Variants in CAMTA1 observed in about 807,000 individuals in gnomAD.
CAMTA1 encodes the protein calmodulin binding transcription activator 1, also known as calmodulin-binding transcription activator 1.
In CAMTA1, 27 loss-of-function variants were observed where a neutral mutation model predicts 170.9. The ratio of observed to expected loss-of-function variants is 0.16; its 90% confidence interval spans 0.12 to 0.22. The LOEUF is 0.22. Among genes scored for constraint, CAMTA1 ranks in the 10% least tolerant of loss-of-function variants. The pLI is 1.00. For synonymous variants in CAMTA1, 833 were observed against 891.5 expected (o/e 0.93, Z 1.17); for missense variants, 1,619 against 2,217.2 (o/e 0.73, Z 5.42).
chr1:7,562,201 C>G lies in CAMTA1; in HGVS notation c.511-78199C>G, dbSNP rs72865481. On this transcript the variant is annotated intron_variant, in intron 6 of 22. Transcript: ENST00000303635. This position sits in a 1 kb window ranked among gnomAD's most constrained non-coding sequence, Gnocchi z 4.8. ...GCCCGGCACCCCAGCTCCGGCCCCT[C>G]CCAAATCTGCTATTGTAAGCACTAC... 0.047 allele frequency among the ~76,000 whole-genome samples: 7,092 copies of G among 152,244 alleles called. 570 individuals are homozygous for G. Among genetic ancestry groups the G allele is most frequent in the African/African-American group, 0.16 (6,747 of 41,524 alleles).
At chr1:7,239,534 C>G (rs1160963988) in intron 4 of CAMTA1, among the ~76,000 whole-genome samples, 3 of 151,942 alleles carry the variant, frequency 2.0e-5, no homozygotes, top group African/African-American at 7.3e-5. Context: ...ATTTTGCTGA[C>G]TGTATCCCCA....
intron 6 of CAMTA1, among the ~76,000 whole-genome samples, chr1:7,604,544 G>C (rs2095471202): frequency 6.6e-6 from 1 of 152,104 alleles, no homozygotes; most frequent in African/African-American, 2.4e-5. Context: ...GTCCTTTAAG[G>C]CTTTCTCTGT....
At chr1:6,943,115 A>G (rs1038296249) in intron 3 of CAMTA1, among the ~76,000 whole-genome samples, 3 of 150,994 alleles carry the variant, frequency 2.0e-5, no homozygotes, top group Non-Finnish European at 3.0e-5. Flanking sequence ...ACTGGCCCTC[A>G]TTCCTTATCT....
intron 9 of CAMTA1, among the ~76,000 whole-genome samples, chr1:7,668,388 A>AACACAC (rs779206499): frequency 0.036 from 3,626 of 101,184 alleles, 97 homozygotes; most frequent in Admixed American, 0.086. Context: ...GCTGGTCACC[A>AACACAC]ACACACACAC....
At chr1:6,917,659 G>A (rs1414341967) in intron 3 of CAMTA1, among the ~76,000 whole-genome samples, 2 of 152,118 alleles carry the variant, frequency 1.3e-5, no homozygotes, top group Admixed American at 6.5e-5. Flanking sequence ...GTTGGAGGCC[G>A]CCCTGAGACA....
intron 6 of CAMTA1, among the ~76,000 whole-genome samples, chr1:7,544,350 CAT>C (rs1456519527): frequency 6.6e-6 from 1 of 152,226 alleles, no homozygotes; most frequent in Non-Finnish European, 1.5e-5. Flanking sequence ...CCTCCCACAA[CAT>C]GTGGGAATTA....
At chr1:6,930,081 G>A (rs1476651582) in intron 3 of CAMTA1, among the ~76,000 whole-genome samples, 1 of 152,200 alleles carries the variant, frequency 6.6e-6, no homozygotes, top group Admixed American at 6.5e-5. Context: ...GCTGGACACT[G>A]TGTTTTAGGG....
chr1:7,732,647 G>T lies in CAMTA1; in HGVS notation c.3066+48G>T. ...AGCTCCCATTTCGCTTCATGTTTAT[G>T]GATTGGCGAGGCAGTGGATGGATCA... On this transcript the variant is annotated intron_variant, in intron 12 of 22. Transcript: ENST00000303635. This position sits in a 1 kb window ranked among gnomAD's most constrained non-coding sequence, Gnocchi z 4.1. 6.6e-7 allele frequency: 1 copy of T among 1,512,758 alleles called. No homozygotes were observed. Among genetic ancestry groups the T allele is most frequent in the Non-Finnish European group, 8.9e-7 (1 of 1,127,476 alleles). The allele number at this position is 1,512,758 out of a possible 1,614,324, so 93.7% of individuals were successfully genotyped here. A position where few individuals can be genotyped will look rare whatever the true frequency, so the allele number is the denominator to read the frequency against.
chr1:7,035,237 C>T (rs1256863407), intron 3 of CAMTA1, among the ~76,000 whole-genome samples: 1 of 151,902 alleles, frequency 6.6e-6, no homozygotes, highest in Non-Finnish European at 1.5e-5. Context: ...CCCATCTCTA[C>T]TAAATGCAAA....
At chr1:7,447,334 C>T (rs929128534) in intron 5 of CAMTA1, among the ~76,000 whole-genome samples, 11 of 149,992 alleles carry the variant, frequency 7.3e-5, no homozygotes, top group Non-Finnish European at 1.0e-4. Flanking sequence ...GGCATGACAC[C>T]GTCTGGAGGG....
intron 3 of CAMTA1, among the ~76,000 whole-genome samples, chr1:6,842,312 C>T (rs938070995): frequency 4.6e-5 from 7 of 152,196 alleles, no homozygotes; most frequent in African/African-American, 1.4e-4. Flanking sequence ...AGTGTAAAAA[C>T]GCCCTCGCCG....
intron 4 of CAMTA1, among the ~76,000 whole-genome samples, chr1:7,185,163 C>T (rs949130860): frequency 6.6e-6 from 1 of 152,142 alleles, no homozygotes; most frequent in Non-Finnish European, 1.5e-5. Flanking sequence ...TCAGTATGAA[C>T]ACATATATAC....
At chr1:7,760,946 T>C (rs888174575) in intron 22 of CAMTA1, among the ~76,000 whole-genome samples, 6 of 152,212 alleles carry the variant, frequency 3.9e-5, no homozygotes, top group Non-Finnish European at 4.4e-5. Context: ...CATGGAGCCA[T>C]TGTTTGCTAC....
rs534585713 is a variant in CAMTA1, at chr1:7,050,206, C to T, written c.235-41098C>T. ...GCCACGGAGGACTCAGGCGGCTGTT[C>T]CCGGCCTGCACCCTGGTCCTCCATG... On this transcript the variant is annotated intron_variant, in intron 3 of 22. Coordinates refer to ENST00000303635, the MANE Select transcript of CAMTA1 (RefSeq NM_015215.4). The surrounding 1 kb of genome is among the most constrained non-coding windows in gnomAD (Gnocchi z 4.8). Among the ~76,000 whole-genome samples, 107 of 152,296 alleles carry T rather than the reference C, an allele frequency of 7.0e-4. 2 individuals are homozygous for T. Among genetic ancestry groups the T allele is most frequent in the Admixed American group, 6.1e-3 (93 of 15,298 alleles).
chr1:7,374,599 A>T (rs2086708950), intron 5 of CAMTA1, among the ~76,000 whole-genome samples: 3 of 152,226 alleles, frequency 2.0e-5, no homozygotes, highest in African/African-American at 4.8e-5. Context: ...GGCTCTAGAG[A>T]TGCCACACCT....
intron 5 of CAMTA1, among the ~76,000 whole-genome samples, chr1:7,401,594 G>C (rs536004412): frequency 6.6e-6 from 1 of 151,970 alleles, no homozygotes; most frequent in Non-Finnish European, 1.5e-5. Flanking sequence ...GAGAATTAAC[G>C]TAACTATTGG....
At chr1:7,703,405 G>T (rs2096463926) in intron 11 of CAMTA1, among the ~76,000 whole-genome samples, 1 of 152,198 alleles carries the variant, frequency 6.6e-6, no homozygotes, top group African/African-American at 2.4e-5. Context: ...CGGAACAGGA[G>T]AGGAACTTGC....
intron 3 of CAMTA1, among the ~76,000 whole-genome samples, chr1:7,087,742 A>G (rs891883277): frequency 6.6e-6 from 1 of 152,180 alleles, no homozygotes; most frequent in South Asian, 2.1e-4. Context: ...TGAAGATTAA[A>G]CGAGATGGTC....
chr1:7,626,606 G>A (rs915744115), intron 6 of CAMTA1, among the ~76,000 whole-genome samples: 3 of 152,210 alleles, frequency 2.0e-5, no homozygotes, highest in African/African-American at 7.2e-5. Context: ...AGCGAGGGAG[G>A]TGTAATCATT....
Sources: gnomAD v4.1 joint callset for allele counts (sites outside exome capture counted in the v4.1 genomes callset) on GRCh38, gnomAD v4.1.1 for gene constraint, Gnocchi (gnomAD v3.1) non-coding constraint, MANE v1.5 for transcripts, NCBI Gene and HGNC (gene_info 2026-07-23, HGNC 2026-07-21) for gene names.